HEXB: variants seen among roughly 807,000 people sequenced by gnomAD.
The protein encoded by HEXB is hexosaminidase subunit beta.
A neutral mutation model predicts 71.2 loss-of-function variants in HEXB; 51 were observed. The ratio of observed to expected loss-of-function variants is 0.72; its 90% CI spans 0.57 to 0.90. The LOEUF is 0.90. Among genes scored for constraint, HEXB ranks in the 40% least tolerant of loss-of-function variants. The pLI, the probability that HEXB is intolerant of heterozygous loss-of-function variation, is 0.00. For missense variants in HEXB, 617 were observed against 677.0 expected, an observed-to-expected ratio of 0.91 and a Z score of 0.98; for synonymous variants, 266 against 249.3, an observed-to-expected ratio of 1.07 and a Z score of -0.63.
chr5:74,655,897 T>C (rs1321371595), intron 1 of HEXB, among the ~76,000 whole-genome samples: 2 of 152,142 alleles, frequency 1.3e-5, no homozygotes, highest in Non-Finnish European at 2.9e-5. Flanking sequence ...AGTAGCAAAT[T>C]TGAGATTCCT....
At chr5:74,659,594 T>C (rs992460485) in intron 1 of HEXB, among the ~76,000 whole-genome samples, 5 of 152,156 alleles carry the variant, frequency 3.3e-5, no homozygotes, top group African/African-American at 9.6e-5. Context: ...GATGTGAATA[T>C]GGAGAAAAAG....
At chr5:74,685,171 G>A (rs1313363598), upstream of HEXB, 11 of 1,352,356 alleles carry the variant, frequency 8.1e-6, no homozygotes, top group Middle Eastern at 2.7e-4. Context: ...TGACTCACCC[G>A]CGGCCGCGCT....
intron 1 of HEXB, among the ~76,000 whole-genome samples, chr5:74,669,055 G>T (rs563227291): frequency 1.3e-5 from 2 of 151,974 alleles, no homozygotes; most frequent in South Asian, 4.2e-4. Flanking sequence ...TCTGCCTCCC[G>T]GGTTCAAGCA....
Position 74,718,841 on chromosome 5 carries a change from TCCTGAGG to T in HEXB, c.1288_1294del (p.Pro430AsnfsTer12), listed in dbSNP as rs770417825. Reference sequence around the variant, plus strand: ...TTGAAGTATGGAAAGACAGCGCATATCCTGAGGAACTCAGTAGAGTCACAGCATCTGG... The same window carrying T: ...TTGAAGTATGGAAAGACAGCGCATATAACTCAGTAGAGTCACAGCATCTGG... On this transcript the variant is annotated frameshift_variant, in exon 11 of 14. Coordinates refer to ENST00000261416, the MANE Select transcript of HEXB (RefSeq NM_000521.4). LOFTEE classifies it high-confidence loss of function. 6.2e-7 allele frequency: 1 copy of T among 1,614,198 alleles called. No individual in the cohort carries two copies. The highest frequency in any genetic ancestry group is 8.5e-7 in the Non-Finnish European group (1 of 1,180,006).
intron 1 of HEXB, among the ~76,000 whole-genome samples, chr5:74,667,490 A>T (rs770590460): frequency 7.9e-5 from 12 of 152,162 alleles, no homozygotes; most frequent in Non-Finnish European, 1.2e-4. Context: ...CAGGCATTAC[A>T]ACAATTCTTT....
chr5:74,664,322 T>C (rs1016418021), intron 1 of HEXB, among the ~76,000 whole-genome samples: 5 of 150,286 alleles, frequency 3.3e-5, no homozygotes, highest in African/African-American at 1.2e-4. Context: ...AGCTATTCAG[T>C]ACACAGTCTG....
upstream of HEXB, among the ~76,000 whole-genome samples, chr5:74,681,644 G>A (rs1748741080): frequency 6.6e-6 from 1 of 152,102 alleles, no homozygotes; most frequent in African/African-American, 2.4e-5. Context: ...GTTAATAACG[G>A]GGTGCAATAA....
intron 2 of HEXB, among the ~76,000 whole-genome samples, chr5:74,691,352 A>G (rs1278553469): frequency 6.6e-6 from 1 of 152,230 alleles, no homozygotes; most frequent in African/African-American, 2.4e-5. Context: ...AGATAAATGG[A>G]CACATAAATC....
chr5:74,712,422 A>C (rs1195641034), intron 6 of HEXB, among the ~76,000 whole-genome samples: 1 of 146,820 alleles, frequency 6.8e-6, no homozygotes, highest in Non-Finnish European at 1.5e-5. Context: ...CTAAAACTTA[A>C]AGTATGATAA....
At chr5:74,671,404 A>G (rs954196012) in intron 1 of HEXB, among the ~76,000 whole-genome samples, 4 of 152,164 alleles carry the variant, frequency 2.6e-5, no homozygotes, top group Non-Finnish European at 5.9e-5. Context: ...ATGCTGAGTA[A>G]AAGAAACCAG....
At chr5:74,712,592 CT>C (rs1749575172) in intron 6 of HEXB, among the ~76,000 whole-genome samples, 1 of 151,992 alleles carries the variant, frequency 6.6e-6, no homozygotes, top group South Asian at 2.1e-4. Context: ...CTTTTTTGAT[CT>C]ACAGGTCTGC....
chr5:74,650,417 T>C (rs1468846579), intron 1 of HEXB, among the ~76,000 whole-genome samples: 1 of 152,232 alleles, frequency 6.6e-6, no homozygotes, highest in Non-Finnish European at 1.5e-5. Flanking sequence ...AAGATTTACT[T>C]GATAAACATG....
chr5:74,673,115 G>C (rs766166957), intron 1 of HEXB, among the ~76,000 whole-genome samples: 3 of 152,220 alleles, frequency 2.0e-5, no homozygotes, highest in African/African-American at 7.2e-5. Flanking sequence ...GAACAAGATA[G>C]TGTGGATTCC....
chr5:74,699,431 C>T (rs1749208024), intron 5 of HEXB, among the ~76,000 whole-genome samples: 2 of 152,080 alleles, frequency 1.3e-5, no homozygotes, highest in South Asian at 2.1e-4. Flanking sequence ...CCCACCACCA[C>T]ACCTGGCTAA....
Position 74,685,572 on chromosome 5 carries a change from G to A in HEXB, c.299+13G>A. The A allele has an allele frequency of 1.3e-6, 2 of 1,536,492 alleles. No homozygotes were observed. The highest frequency in any genetic ancestry group is 1.7e-6 in the Non-Finnish European group (2 of 1,145,126). ...AAGCGTTTCGACGGTGAGCGCTCCC[G>A]GCCCGGCCGGGAGTTGTCCTGGGGG... On this transcript the variant is annotated intron_variant, in intron 1 of 13. Coordinates refer to ENST00000261416, the MANE Select transcript of HEXB (RefSeq NM_000521.4).
chr5:74,687,267 A>G (rs1328774363), intron 1 of HEXB, among the ~76,000 whole-genome samples: 5 of 152,194 alleles, frequency 3.3e-5, no homozygotes, highest in African/African-American at 1.2e-4. Context: ...GTGGAGTTGG[A>G]AAGATTTGGA....
upstream of HEXB, among the ~76,000 whole-genome samples, chr5:74,680,778 C>T (rs1297707739): frequency 6.6e-6 from 1 of 152,188 alleles, no homozygotes; most frequent in African/African-American, 2.4e-5. Context: ...GATTCAGATT[C>T]TGATTAGACT....
intron 6 of HEXB, among the ~76,000 whole-genome samples, chr5:74,707,364 A>C (rs1160256044): frequency 2.6e-5 from 4 of 152,228 alleles, no homozygotes; most frequent in African/African-American, 9.6e-5. Flanking sequence ...GAAAAACTGG[A>C]AACTCTAAAA....
rs540508015 is a variant in HEXB, at chr5:74,713,498, T to G, written c.772-8T>G. On this transcript the variant is annotated splice_region_variant and splice_polypyrimidine_tract_variant and intron_variant, in intron 6 of 13. Coordinates refer to ENST00000261416, the MANE Select transcript of HEXB (RefSeq NM_000521.4). Reference sequence around the variant, plus strand: ...ACATTTTAACTTGAATAAATATGGCTTTTACAGGGAAGCTATTCTTTGTCT... The same window carrying G: ...ACATTTTAACTTGAATAAATATGGCGTTTACAGGGAAGCTATTCTTTGTCT... 5.0e-6 allele frequency: 8 copies of G among 1,610,268 alleles called. No homozygotes were observed. The Admixed American group carries it at 1.2e-4, about 23-fold the overall frequency.
Sources: gnomAD v4.1 joint callset for allele counts (sites outside exome capture counted in the v4.1 genomes callset) on GRCh38, gnomAD v4.1.1 for gene constraint, MANE v1.5 for transcripts, NCBI Gene and HGNC (gene_info 2026-07-23, HGNC 2026-07-21) for gene names.